The following SLC41A3 variants were observed in gnomAD, a reference collection of about 807,000 sequenced individuals.
SLC41A3 encodes the protein solute carrier family 41 member 3, also known as SLC41A1-like 2.
In SLC41A3, 44 loss-of-function variants were observed where a neutral mutation model predicts 45.4. The observed-to-expected ratio is 0.97, with a 90% CI of 0.76 to 1.25. The LOEUF (loss-of-function observed/expected upper bound fraction) is 1.25. Ranked by LOEUF, SLC41A3 falls within the 50% of genes most tolerant of loss-of-function variation. The probability of loss-of-function intolerance (pLI) is 0.00; values close to 1 mark genes in which losing one functional copy is unlikely to be tolerated. For missense variants in SLC41A3, 550 were observed against 600.6 expected (o/e 0.92, Z 0.88); for synonymous variants, 256 against 252.4 (o/e 1.01, Z -0.13).
chr3:126,012,737 T>G lies in SLC41A3; in HGVS notation c.983A>C (p.Asn328Thr), dbSNP rs767001272. The G allele has an allele frequency of 6.2e-7, 1 of 1,614,218 alleles. No individual in the cohort carries two copies. ...FTPVICGVGG[N>T]LVAIQTSRIS... is the part of the protein sequence containing the mutation. ...TCGGCTGGTCTGAATGGCCACCAGATTGCCACCAACACCTACGAGGAGAAA... is the reference window on the plus strand; with the variant it reads ...TCGGCTGGTCTGAATGGCCACCAGAGTGCCACCAACACCTACGAGGAGAAA... The change falls in exon 9 of 11, where the codon AAT becomes ACT. Residue 328 changes from asparagine (N) to threonine (T), a missense_variant. By Grantham distance (65) the Asn-to-Thr change is moderately conservative. Coordinates refer to ENST00000360370, the MANE Select transcript of SLC41A3 (RefSeq NM_017836.4).
upstream of SLC41A3, among the ~76,000 whole-genome samples, chr3:126,086,079 C>G (rs190825775): frequency 1.6e-3 from 244 of 152,066 alleles, 1 homozygote; most frequent in African/African-American, 5.6e-3. Flanking sequence ...CCCTAGGCCA[C>G]AGCTCAGTTC....
At chr3:126,094,641 T>C (rs556163041) in intron 1 of SLC41A3, among the ~76,000 whole-genome samples, 2 of 152,228 alleles carry the variant, frequency 1.3e-5, no homozygotes, top group African/African-American at 4.8e-5. Flanking sequence ...ACTATCCCTT[T>C]AGCTGAGCAA....
At chr3:126,097,139 C>G (rs539788399) in intron 1 of SLC41A3, among the ~76,000 whole-genome samples, 15 of 152,324 alleles carry the variant, frequency 9.8e-5, no homozygotes, top group Admixed American at 9.8e-4. Context: ...TGATTCCTCC[C>G]TGAGGGTGGG....
rs555698555 is a variant in SLC41A3, at chr3:126,006,516, G to A, written c.*500C>T. 6.2e-7 allele frequency: 1 copy of A among 1,613,388 alleles called. No individual in the cohort carries two copies. The highest frequency in any genetic ancestry group is 1.3e-5 in the African/African-American group (1 of 74,822). The stretch of plus-strand genomic sequence containing the variant: ...TTGTATGAGGCCCCATCCTGGGGAG[G>A]CTGTACACCTTCTTGGCACAGCAGC... On this transcript the variant is annotated 3_prime_UTR_variant, in exon 11 of 11. Coordinates refer to ENST00000360370, the MANE Select transcript of SLC41A3 (RefSeq NM_017836.4).
upstream of SLC41A3, among the ~76,000 whole-genome samples, chr3:126,089,019 T>C (rs1431780287): frequency 3.9e-5 from 6 of 152,188 alleles, no homozygotes; most frequent in Non-Finnish European, 8.8e-5. Context: ...TGCCCAGCTC[T>C]CTGTATAAAA....
At chr3:126,022,580 C>T (rs1223895789) in intron 6 of SLC41A3, among the ~76,000 whole-genome samples, 1 of 152,212 alleles carries the variant, frequency 6.6e-6, no homozygotes, top group Non-Finnish European at 1.5e-5. Context: ...ATCCATCAAT[C>T]CATTAATTCA....
intron 3 of SLC41A3, among the ~76,000 whole-genome samples, chr3:126,036,453 C>T (rs2107789601): frequency 6.6e-6 from 1 of 152,288 alleles, no homozygotes; most frequent in East Asian, 1.9e-4. Context: ...AATCTTCCAC[C>T]CAAACCCACA....
At chr3:126,100,486 C>T (rs1945687224) in intron 1 of SLC41A3, among the ~76,000 whole-genome samples, 1 of 152,202 alleles carries the variant, frequency 6.6e-6, no homozygotes, top group African/African-American at 2.4e-5. Flanking sequence ...CACACACTCC[C>T]TGCCCTGGTG....
intron 6 of SLC41A3, among the ~76,000 whole-genome samples, chr3:126,017,087 C>A (rs1268102885): frequency 6.6e-6 from 1 of 152,218 alleles, no homozygotes; most frequent in Non-Finnish European, 1.5e-5. Flanking sequence ...CCACATTCAA[C>A]TCCACTTCTC....
At chr3:126,053,770 C>T (rs1943489625) in intron 2 of SLC41A3, among the ~76,000 whole-genome samples, 1 of 152,000 alleles carries the variant, frequency 6.6e-6, no homozygotes, top group Non-Finnish European at 1.5e-5. Flanking sequence ...TCTGCCCATC[C>T]AACTCTGGCT....
intron 6 of SLC41A3, among the ~76,000 whole-genome samples, chr3:126,022,413 C>T (rs7633958): frequency 0.29 from 43,538 of 152,078 alleles, 6,379 homozygotes; most frequent in African/African-American, 0.33. Flanking sequence ...AACCCAAGGT[C>T]GAGGGGCAGC....
intron 8 of SLC41A3, among the ~76,000 whole-genome samples, chr3:126,014,559 C>T (rs1940073072): frequency 6.6e-6 from 1 of 152,242 alleles, no homozygotes; most frequent in Admixed American, 6.5e-5. Flanking sequence ...GTAATAAGCC[C>T]TCTGTTGCTG....
chr3:126,013,756 C>T (rs191143237), intron 8 of SLC41A3, among the ~76,000 whole-genome samples: 1 of 152,236 alleles, frequency 6.6e-6, no homozygotes, highest in Admixed American at 6.5e-5. Flanking sequence ...TCTCTCGGAG[C>T]TCAGTTGTCA....
At chr3:126,020,874 G>T (rs7647107) in intron 6 of SLC41A3, among the ~76,000 whole-genome samples, 100,429 of 151,602 alleles carry the variant, frequency 0.66, 34,104 homozygotes, top group East Asian at 0.81. Context: ...CAGGTGTGTT[G>T]TTTGCTTCTT....
rs998070891 is a variant in SLC41A3 at position 126,067,459 on chromosome 3, G to A, written c.273+488C>T. On this transcript the variant is annotated intron_variant, in intron 2 of 10. Transcript: ENST00000360370. Reference sequence around the variant, plus strand: ...GTGTCCTCTTAGGAAGAGGGATTAGGACAGAGACATGCAGAGGAAAGATCA... The same window carrying A: ...GTGTCCTCTTAGGAAGAGGGATTAGAACAGAGACATGCAGAGGAAAGATCA... 8.5e-5 allele frequency: 28 copies of A among 327,948 alleles called. 1 individual carries two copies. The East Asian group carries it at 1.9e-3, about 22-fold the overall frequency. The allele number at this position is 327,948 out of a possible 1,614,324, so 20.3% of individuals were successfully genotyped here.
At chr3:126,054,134 A>G (rs1302322150) in intron 2 of SLC41A3, among the ~76,000 whole-genome samples, 1 of 151,962 alleles carries the variant, frequency 6.6e-6, no homozygotes, top group Admixed American at 6.6e-5. Context: ...TGACCCCATC[A>G]CTCAGCCACC....
At chr3:126,016,300 G>C (rs1377460993) in intron 7 of SLC41A3, among the ~76,000 whole-genome samples, 1 of 152,246 alleles carries the variant, frequency 6.6e-6, no homozygotes, top group Admixed American at 6.5e-5. Context: ...CAGTAGCCAT[G>C]TGTGGCCAGT....
In SLC41A3 at chr3:126,006,357, T is replaced by C; in HGVS notation, c.*659A>G. ...TAACTATCTTTAAAGACATAAAGGGTCAAGTACAATATAATCTGTTTTATT... is the reference window on the plus strand; with the variant it reads ...TAACTATCTTTAAAGACATAAAGGGCCAAGTACAATATAATCTGTTTTATT... On this transcript the variant is annotated 3_prime_UTR_variant, in exon 11 of 11. Transcript: ENST00000360370. The C allele has an allele frequency of 6.4e-7, 1 of 1,553,952 alleles. No homozygotes were observed. The highest frequency in any genetic ancestry group is 1.2e-5 in the South Asian group (1 of 84,802).
At chr3:126,062,782 T>C (rs1410347902) in intron 2 of SLC41A3, among the ~76,000 whole-genome samples, 1 of 152,208 alleles carries the variant, frequency 6.6e-6, no homozygotes, top group Non-Finnish European at 1.5e-5. Context: ...ATATTTCTCA[T>C]CTACAAATTT....
Sources: allele counts gnomAD v4.1 joint callset (sites outside exome capture counted in the v4.1 genomes callset), GRCh38; gene constraint gnomAD v4.1.1; transcripts MANE v1.5; gene names NCBI Gene and HGNC (gene_info 2026-07-23, HGNC 2026-07-21).